The following ALDH7A1 variants were observed in gnomAD, a reference collection of about 807,000 sequenced individuals.
ALDH7A1 encodes the protein aldehyde dehydrogenase 7 family member A1, also known as alpha-aminoadipic semialdehyde dehydrogenase.
Under a neutral mutation model 79.9 loss-of-function variants are expected in ALDH7A1, and 63 were observed. That is an observed-to-expected ratio of 0.79 (90% confidence interval 0.64 to 0.97). The LOEUF (loss-of-function observed/expected upper bound fraction) is 0.97. ALDH7A1 is among the 50% of genes least tolerant of loss of function. The pLI, the probability that ALDH7A1 is intolerant of heterozygous loss-of-function variation, is 0.00. For synonymous variants in ALDH7A1, 240 were observed against 231.2 expected, an observed-to-expected ratio of 1.04 and a Z score of -0.34; for missense variants, 627 against 665.2, an observed-to-expected ratio of 0.94 and a Z score of 0.63.
intron 5 of ALDH7A1, among the ~76,000 whole-genome samples, chr5:126,578,027 G>A (rs948359702): frequency 1.3e-5 from 2 of 149,806 alleles, no homozygotes; most frequent in Admixed American, 6.7e-5. Flanking sequence ...GCTCACTCCT[G>A]TAATCCCAGC....
At chr5:126,565,941 T>C (rs1208679619) in intron 9 of ALDH7A1, among the ~76,000 whole-genome samples, 1 of 152,258 alleles carries the variant, frequency 6.6e-6, no homozygotes, top group Non-Finnish European at 1.5e-5. Flanking sequence ...CATTGATTTT[T>C]ATGTCTATCC....
chr5:126,572,908 T>C (rs922367693), intron 7 of ALDH7A1, among the ~76,000 whole-genome samples: 2 of 152,174 alleles, frequency 1.3e-5, no homozygotes, highest in Non-Finnish European at 2.9e-5. Flanking sequence ...ATATGTGGCC[T>C]GGGGTCATCT....
Position 126,543,990 on chromosome 5 carries a change from C to T in ALDH7A1, c.*975G>A, listed in dbSNP as rs1360050880. The T allele has an allele frequency of 8.7e-6, 1 of 114,526 alleles. No individual in the cohort carries two copies. Among genetic ancestry groups the T allele is most frequent in the East Asian group, 2.4e-4 (1 of 4,086 alleles). The allele number at this position is 114,526 out of a possible 1,614,324, so 7.1% of individuals were successfully genotyped here. ...TTTTTTTTTTTTTTTTTTTTGTAGA[C>T]AGGATCTCACTGTTGCCCAGGCAGT... On this transcript the variant is annotated 3_prime_UTR_variant, in exon 18 of 18. Coordinates refer to ENST00000409134, the MANE Select transcript of ALDH7A1 (RefSeq NM_001182.5).
At chr5:126,562,589 C>T (rs1259030447) in intron 9 of ALDH7A1, among the ~76,000 whole-genome samples, 1 of 152,094 alleles carries the variant, frequency 6.6e-6, no homozygotes, top group African/African-American at 2.4e-5. Flanking sequence ...GTGGCTCATG[C>T]CTGTAATCCC....
At chr5:126,554,896 G>A (rs1056753285) in intron 12 of ALDH7A1, 2 of 210,124 alleles carry the variant, frequency 9.5e-6, no homozygotes, top group Admixed American at 1.1e-4. Flanking sequence ...CACTGACAGT[G>A]ACCCAGCAAC....
chr5:126,555,003 C>A, intron 12 of ALDH7A1: 1 of 167,494 alleles, frequency 6.0e-6, no homozygotes, highest in Non-Finnish European at 1.3e-5. Flanking sequence ...GCAGACAGCA[C>A]AGTAGGATAG....
intron 10 of ALDH7A1, among the ~76,000 whole-genome samples, chr5:126,560,363 C>G (rs1319504564): frequency 3.3e-5 from 5 of 152,022 alleles, no homozygotes; most frequent in African/African-American, 9.7e-5. Flanking sequence ...TCCAGCTACT[C>G]GGGAGGCTGA....
chr5:126,559,262 C>G lies in ALDH7A1; in HGVS notation c.986G>C (p.Arg329Thr). ...CACCAGTCGCCTCGCAGTGGTACAC[C>G]TCTGGCCAGCTGTTCCCACAGCAGC... ...LFAAVGTAGQ[R>T]CTTARRLFIH... The change falls in exon 11 of 18, where the codon AGG becomes ACG. Residue 329 changes from arginine to threonine, a missense_variant. Physicochemically the swap from Arg to Thr is moderately conservative, Grantham distance 71 (BLOSUM62 -1). Transcript: ENST00000409134. 1 of 1,613,952 alleles carries G rather than the reference C, an allele frequency of 6.2e-7. No individual in the cohort carries two copies. Among genetic ancestry groups the G allele is most frequent in the Non-Finnish European group, 8.5e-7 (1 of 1,179,884 alleles).
chr5:126,580,548 G>C (rs1189748140), intron 5 of ALDH7A1, among the ~76,000 whole-genome samples: 2 of 152,178 alleles, frequency 1.3e-5, no homozygotes, highest in Admixed American at 6.5e-5. Flanking sequence ...CTTTCTACAA[G>C]TAGGGAATTT....
At chr5:126,553,280 T>C (rs986039542) in intron 13 of ALDH7A1, 8 of 152,242 alleles carry the variant, frequency 5.3e-5, no homozygotes, top group African/African-American at 1.7e-4. Context: ...TGCTGTCTTT[T>C]TTTAAAATAT....
chr5:126,586,812 C>T (rs1428778617), intron 3 of ALDH7A1: 1 of 152,346 alleles, frequency 6.6e-6, no homozygotes, highest in Non-Finnish European at 1.5e-5. Context: ...TGGCCGGGGG[C>T]TGTGGTTCCA....
At chr5:126,553,702 C>T (rs182497709) in intron 13 of ALDH7A1, among the ~76,000 whole-genome samples, 13 of 151,638 alleles carry the variant, frequency 8.6e-5, no homozygotes, top group African/African-American at 1.2e-4. Flanking sequence ...CAGAGCAAGA[C>T]GCAGGAGCCT....
chr5:126,574,292 C>T (rs765540456), intron 7 of ALDH7A1, among the ~76,000 whole-genome samples: 1 of 151,542 alleles, frequency 6.6e-6, no homozygotes, highest in African/African-American at 2.4e-5. Flanking sequence ...CCCAGTTACT[C>T]GGGAGGCTGA....
At chr5:126,593,134 C>G (rs191496853) in intron 2 of ALDH7A1, among the ~76,000 whole-genome samples, 1 of 152,288 alleles carries the variant, frequency 6.6e-6, no homozygotes, top group East Asian at 1.9e-4. Context: ...TGGTTCTTTC[C>G]TTTTCACGCC....
intron 13 of ALDH7A1, among the ~76,000 whole-genome samples, chr5:126,553,119 CAATA>C (rs1750061806): frequency 6.6e-6 from 1 of 151,968 alleles, no homozygotes; most frequent in Non-Finnish European, 1.5e-5. Context: ...TTAAAATAAC[CAATA>C]AATAGATTAT....
At chr5:126,546,213 A>G in intron 17 of ALDH7A1, 111 bp downstream of exon 17, 1 of 1,023,940 alleles carries the variant, frequency 9.8e-7, no homozygotes. Flanking sequence ...GAATGCTGGA[A>G]AAATCAAATC....
rs17154679 is a variant in ALDH7A1 at position 126,577,534 on chromosome 5, G to A, written c.518-323C>T. The stretch of plus-strand genomic sequence containing the variant: ...GCCCTAGGTGGTATGATCACAAAGG[G>A]CAGAACATGACCAGGGCACAGGGGC... On this transcript the variant is annotated intron_variant, in intron 5 of 17. Coordinates refer to ENST00000409134, the MANE Select transcript of ALDH7A1 (RefSeq NM_001182.5). Among the ~76,000 whole-genome samples the A allele has an allele frequency of 0.022, 3,280 of 152,186 alleles. 114 individuals carry two copies. Among genetic ancestry groups the A allele is most frequent in the African/African-American group, 0.066 (2,737 of 41,516 alleles).
chr5:126,576,711 A>T (rs1197514799), intron 6 of ALDH7A1, among the ~76,000 whole-genome samples: 1 of 152,152 alleles, frequency 6.6e-6, no homozygotes, highest in East Asian at 1.9e-4. Flanking sequence ...GGATCACCTG[A>T]GGTCAGGAGT....
At chr5:126,570,573 T>C in intron 8 of ALDH7A1, 1 of 575,224 alleles carries the variant, frequency 1.7e-6, no homozygotes, top group Admixed American at 2.8e-5. Flanking sequence ...ATAGTACCTC[T>C]GGGCAATTAA....
Sources: allele counts gnomAD v4.1 joint callset (sites outside exome capture counted in the v4.1 genomes callset), GRCh38; gene constraint gnomAD v4.1.1; transcripts MANE v1.5; gene names NCBI Gene and HGNC (gene_info 2026-07-23, HGNC 2026-07-21).